CYSRT1: variants seen among roughly 807,000 people sequenced by gnomAD.
CYSRT1 encodes the protein cysteine rich tail 1, also known as cysteine-rich tail protein 1.
CYSRT1 carries 7 observed loss-of-function variants against 6.2 expected under a neutral mutation model. That is an observed-to-expected ratio of 1.13 (90% CI 0.64 to 2.13). The LOEUF is 2.13. Ranked by LOEUF, CYSRT1 falls within the 30% of genes most tolerant of loss-of-function variation. CYSRT1 has a pLI of 0.00. For synonymous variants in CYSRT1, 75 were observed against 83.1 expected (o/e 0.90, Z 0.53); for missense variants, 188 against 196.4 (o/e 0.96, Z 0.26).
chr9:137,225,271 G>A (rs1418998918), intron 1 of CYSRT1, 38 bp downstream of exon 1: 16 of 1,461,518 alleles, frequency 1.1e-5, no homozygotes, highest in Non-Finnish European at 1.5e-5. Context: ...TGAACTCAGG[G>A]GCACTGCAGG....
Position 137,225,647 on chromosome 9 carries a change from A to G in CYSRT1, c.26A>G (p.Lys9Arg). MDPQEMVV[K>R]NPYAHISIPR... ...ATGGACCCCCAAGAGATGGTCGTCA[A>G]GAACCCATATGCCCACATCAGCATC... The change falls in exon 2 of 2, where the codon AAG (lysine) becomes AGG (arginine). Residue 9 changes from lysine to arginine, a missense_variant. By Grantham distance (26) the Lys-to-Arg change is conservative. Transcript: ENST00000650725. 1 of 1,550,456 alleles carries G rather than the reference A, an allele frequency of 6.4e-7. No homozygotes were observed. The highest frequency in any genetic ancestry group is 1.4e-5 in the African/African-American group (1 of 73,162).
chr9:137,225,345 C>T (rs1835946874), intron 1 of CYSRT1, 112 bp downstream of exon 1: 2 of 1,147,274 alleles, frequency 1.7e-6, no homozygotes, highest in Non-Finnish European at 2.5e-6. Context: ...ATCCCAGGAC[C>T]AATGCCACCA....
chr9:137,225,269 G>C, intron 1 of CYSRT1, 36 bp downstream of exon 1: 1 of 1,480,396 alleles, frequency 6.8e-7, no homozygotes, highest in Non-Finnish European at 9.2e-7. Context: ...CCTGAACTCA[G>C]GGGCACTGCA....
rs141991047 is a variant in CYSRT1 at position 137,225,824 on chromosome 9, G to A, written c.203G>A (p.Gly68Asp). Residue 68 changes from glycine (G) to aspartate (D), a missense_variant, in exon 2 of 2, where the codon GGC becomes GAC. Coordinates refer to ENST00000650725, the MANE Select transcript of CYSRT1 (RefSeq NM_199001.5). ...CCGACCGAGGTCCCAGGGCCCAAGG[G>A]CGCCAAGGGTAACCAGGGGGCTGCC... Reference protein sequence around the residue: ...LQPTEVPGPKGAKGNQGAAPI... With the variant: ...LQPTEVPGPKDAKGNQGAAPI... The A allele has an allele frequency of 8.9e-5, 138 of 1,548,668 alleles. 2 individuals are homozygous for A. In the African/African-American group the frequency reaches 1.6e-3, roughly 18 times the overall value.
chr9:137,225,929 C>T lies in CYSRT1; in HGVS notation c.308C>T (p.Ala103Val). 6.5e-7 allele frequency: 1 copy of T among 1,547,094 alleles called. No individual in the cohort carries two copies. The highest frequency in any genetic ancestry group is 8.7e-7 in the Non-Finnish European group (1 of 1,146,560). The change falls in exon 2 of 2, where the codon GCT becomes GTT. Residue 103 changes from alanine to valine, a missense_variant. Physicochemically the swap from Ala to Val is moderately conservative, Grantham distance 64 (BLOSUM62 0). Transcript: ENST00000650725. ...SSQRQAGLTY[A>V]GPPPAGRGDD... is the part of the protein sequence containing the mutation. ...CAGCGCCAGGCCGGACTGACCTACG[C>T]TGGCCCTCCGCCCGCGGGGCGCGGG...
Position 137,226,047 on chromosome 9 carries a change from C to T in CYSRT1, c.426C>T (p.Val142=), listed in dbSNP as rs1242713563. Residue 142 remains valine (V), a synonymous_variant, in exon 2 of 2, where the codon GTC becomes GTT. Coordinates refer to ENST00000650725, the MANE Select transcript of CYSRT1 (RefSeq NM_199001.5). ...FCRCHSCCCC[V]IS is the part of the protein sequence containing the mutation. ...GCTGCCACAGCTGCTGCTGCTGTGT[C>T]ATCTCCTAGCCCAGCCCACCCTGCC... 6.5e-7 allele frequency: 1 copy of T among 1,548,496 alleles called. No homozygotes were observed. Among genetic ancestry groups the T allele is most frequent in the South Asian group, 1.2e-5 (1 of 83,956 alleles).
intron 1 of CYSRT1, 112 bp downstream of exon 1, chr9:137,225,345 C>A: frequency 8.7e-7 from 1 of 1,147,390 alleles, no homozygotes; most frequent in Non-Finnish European, 1.2e-6. Context: ...ATCCCAGGAC[C>A]AATGCCACCA....
intron 1 of CYSRT1, 53 bp from the exon 2 acceptor site, chr9:137,225,561 C>G: frequency 6.7e-7 from 1 of 1,489,458 alleles, no homozygotes; most frequent in Non-Finnish European, 9.0e-7. Context: ...GGCTCGTGGG[C>G]AGCCATCCCA....
rs377242856 is a variant in CYSRT1, at chr9:137,225,308, A to G, written c.-9+75A>G. 14 of 1,297,148 alleles carry G rather than the reference A, an allele frequency of 1.1e-5. No individual in the cohort carries two copies. In the African/African-American group the frequency reaches 2.1e-4, roughly 19 times the overall value. 80.4% of individuals were successfully genotyped at this position (1,297,148 alleles called of 1,614,324 possible). Reference sequence around the variant, plus strand: ...TCAGCCCCCTTCTCTCCCATCTCTCAGCCTCCCCGACCCCATTCCCAGCTC... The same window carrying G: ...TCAGCCCCCTTCTCTCCCATCTCTCGGCCTCCCCGACCCCATTCCCAGCTC... On this transcript the variant is annotated intron_variant, in intron 1 of 1. Transcript: ENST00000650725.
In CYSRT1 at chr9:137,225,946, G is replaced by A; in HGVS notation, c.325G>A (p.Gly109Arg). 3.9e-6 allele frequency: 6 copies of A among 1,548,010 alleles called. No individual in the cohort carries two copies. The highest frequency in any genetic ancestry group is 1.4e-5 in the African/African-American group (1 of 73,156). ...GLTYAGPPPA[G>R]RGDDIAHHCC... ...GACCTACGCTGGCCCTCCGCCCGCG[G>A]GGCGCGGGGATGACATCGCCCACCA... Residue 109 changes from glycine (G) to arginine (R), a missense_variant, in exon 2 of 2, where the codon GGG becomes AGG. Transcript: ENST00000650725.
In CYSRT1 at chr9:137,225,927, C is replaced by A. The variant is rs536786345; in HGVS notation, c.306C>A (p.Tyr102Ter). The change falls in exon 2 of 2, where the codon TAC becomes TAA. Residue 102 changes from tyrosine to a stop codon, truncating the protein, a stop_gained. Transcript: ENST00000650725. LOFTEE classifies it high-confidence loss of function. ...GTCAGCGCCAGGCCGGACTGACCTA[C>A]GCTGGCCCTCCGCCCGCGGGGCGCG... Reference protein sequence around the residue: ...SSSQRQAGLTYAGPPPAGRGD... With the variant: ...SSSQRQAGLT The A allele has an allele frequency of 9.7e-6, 15 of 1,546,740 alleles. No homozygotes were observed. Among genetic ancestry groups the A allele is most frequent in the Non-Finnish European group, 1.3e-5 (15 of 1,146,562 alleles).
Position 137,225,671 on chromosome 9 carries a change from TC to T in CYSRT1, c.55del (p.Arg19GlyfsTer12), listed in dbSNP as rs922374903. 2.6e-6 allele frequency: 4 copies of T among 1,550,236 alleles called. No homozygotes were observed. The African/African-American group carries it at 4.1e-5, about 16-fold the overall frequency. The part of the protein sequence containing the change: ...VVKNPYAHIS[I>X]PRAHLRPDLG... ...AAGAACCCATATGCCCACATCAGCATCCCCCGGGCTCACCTGCGGCCTGACC... is the reference window on the plus strand; with the variant it reads ...AAGAACCCATATGCCCACATCAGCATCCCCGGGCTCACCTGCGGCCTGACC... On this transcript the variant is annotated frameshift_variant, in exon 2 of 2. Transcript: ENST00000650725. LOFTEE classifies it low-confidence loss of function (END_TRUNC).
chr9:137,226,112 GTGCCGGGACA>G lies in CYSRT1; in HGVS notation c.*70_*79del, dbSNP rs1048793228. The G allele has an allele frequency of 1.0e-4, 156 of 1,520,412 alleles. 3 individuals carry two copies. The Middle Eastern group carries it at 1.6e-3, about 16-fold the overall frequency. 94.2% of individuals were successfully genotyped at this position (1,520,412 alleles called of 1,614,324 possible). A position where few individuals can be genotyped will look rare whatever the true frequency, so the allele number is the denominator to read the frequency against. ...GACTTCAGCAAATGTGGCTCACACA[GTGCCGGGACA>G]TGCCGGGACATGCGGGGTGGCTGTT... On this transcript the variant is annotated 3_prime_UTR_variant, in exon 2 of 2. Coordinates refer to ENST00000650725, the MANE Select transcript of CYSRT1 (RefSeq NM_199001.5).
Position 137,225,213 on chromosome 9 carries a change from A to G in CYSRT1, c.-29A>G. ...AGAGCTCAGAAGACCGAGAGGACAG[A>G]CTGCCGTGTTGCCACCACAGGTAAG... On this transcript the variant is annotated 5_prime_UTR_variant, in exon 1 of 2. Coordinates refer to ENST00000650725, the MANE Select transcript of CYSRT1 (RefSeq NM_199001.5). 6.5e-7 allele frequency: 1 copy of G among 1,550,346 alleles called. No individual in the cohort carries two copies. Among genetic ancestry groups the G allele is most frequent in the East Asian group, 2.4e-5 (1 of 40,930 alleles).
rs534377559 is a variant in CYSRT1 at position 137,225,479 on chromosome 9, G to A, written c.-8-135G>A. 2.0e-4 allele frequency: 290 copies of A among 1,440,640 alleles called. 2 individuals are homozygous for A. The highest frequency in any genetic ancestry group is 2.1e-4 in the Admixed American group (8 of 37,572). The allele number at this position is 1,440,640 out of a possible 1,614,324, so 89.2% of individuals were successfully genotyped here. A position where few individuals can be genotyped will look rare whatever the true frequency, so the allele number is the denominator to read the frequency against. ...ACACATTTGGAGGTGATGGCACCCC[G>A]GCACTGATGCCTTGGGGATGCTGAG... On this transcript the variant is annotated intron_variant, in intron 1 of 1. Transcript: ENST00000650725.
chr9:137,226,007 G>T lies in CYSRT1; in HGVS notation c.386G>T (p.Cys129Phe), dbSNP rs1564410269. 6.5e-7 allele frequency: 1 copy of T among 1,549,094 alleles called. No homozygotes were observed. The highest frequency in any genetic ancestry group is 8.7e-7 in the Non-Finnish European group (1 of 1,146,794). ...CCCPCCHCCH[C>F]PPFCRCHSCC... Reference sequence around the variant, plus strand: ...TGCCCCTGCTGCCACTGCTGCCACTGCCCCCCCTTCTGCCGCTGCCACAGC... The same window carrying T: ...TGCCCCTGCTGCCACTGCTGCCACTTCCCCCCCTTCTGCCGCTGCCACAGC... The change falls in exon 2 of 2, where the codon TGC becomes TTC. Residue 129 changes from cysteine (C) to phenylalanine (F), a missense_variant. Coordinates refer to ENST00000650725, the MANE Select transcript of CYSRT1 (RefSeq NM_199001.5).
Position 137,225,643 on chromosome 9 carries a change from G to A in CYSRT1, c.22G>A (p.Val8Ile), listed in dbSNP as rs542585171. ...GACCATGGACCCCCAAGAGATGGTCGTCAAGAACCCATATGCCCACATCAG... is the reference window on the plus strand; with the variant it reads ...GACCATGGACCCCCAAGAGATGGTCATCAAGAACCCATATGCCCACATCAG... Reference protein sequence around the residue: MDPQEMVVKNPYAHISIP... With the variant: MDPQEMVIKNPYAHISIP... The change falls in exon 2 of 2, where the codon GTC becomes ATC. Residue 8 changes from valine (V) to isoleucine (I), a missense_variant. Val to Ile is a conservative substitution (Grantham distance 29, BLOSUM62 3). Coordinates refer to ENST00000650725, the MANE Select transcript of CYSRT1 (RefSeq NM_199001.5). 2.1e-4 allele frequency: 324 copies of A among 1,550,402 alleles called. 2 individuals carry two copies. Among genetic ancestry groups the A allele is most frequent in the Non-Finnish European group, 5.6e-5 (64 of 1,146,970 alleles).
At position 137,225,886 on chromosome 9, in the gene CYSRT1, A is replaced by C. The variant is rs757522242; in HGVS notation, c.265A>C (p.Asn89His). 3.9e-6 allele frequency: 6 copies of C among 1,545,576 alleles called. No individual in the cohort carries two copies. The highest frequency in any genetic ancestry group is 2.7e-5 in the African/African-American group (2 of 73,050). ...CCAGCAGGCCTGGCAGCAGCCTGGC[A>C]ACCCCTACAGCAGCAGTCAGCGCCA... The part of the protein sequence containing the change: ...QNQQAWQQPG[N>H]PYSSSQRQAG... The change falls in exon 2 of 2, where the codon AAC becomes CAC. Residue 89 changes from asparagine to histidine, a missense_variant. Coordinates refer to ENST00000650725, the MANE Select transcript of CYSRT1 (RefSeq NM_199001.5).
Position 137,226,276 on chromosome 9 carries a change from A to T in CYSRT1, c.*220A>T. On this transcript the variant is annotated 3_prime_UTR_variant, in exon 2 of 2. Coordinates refer to ENST00000650725, the MANE Select transcript of CYSRT1 (RefSeq NM_199001.5). ...GAGAGGGACACCCCTGATTACCTTA[A>T]GGCCCAGGCAATAAAGCAGGGTGAT... 2.6e-6 allele frequency: 2 copies of T among 783,566 alleles called. No homozygotes were observed. Among genetic ancestry groups the T allele is most frequent in the Admixed American group, 3.3e-5 (1 of 30,268 alleles). 48.5% of individuals were successfully genotyped at this position (783,566 alleles called of 1,614,324 possible).
Sources: gnomAD v4.1 joint callset for allele counts on GRCh38, gnomAD v4.1.1 for gene constraint, MANE v1.5 for transcripts, NCBI Gene and HGNC (gene_info 2026-07-23, HGNC 2026-07-21) for gene names.